The following PGCKA1 variants were observed in gnomAD, a reference collection of about 807,000 sequenced individuals.
PGCKA1 encodes PDCD10 and GCKIII kinases-associated protein 1.
At chr4:37,474,759 C>T in the PGCKA1 span, among the ~76,000 whole-genome samples, 1 of 152,126 alleles carries the variant, frequency 6.6e-6, no homozygotes, top group African/African-American at 2.4e-5. Flanking sequence ...AGAGATGGTA[C>T]TTAGCGAAGG....
the PGCKA1 span, among the ~76,000 whole-genome samples, chr4:37,561,609 T>G: frequency 6.6e-6 from 1 of 151,174 alleles, no homozygotes; most frequent in African/African-American, 2.5e-5. Context: ...AGAAAAGACT[T>G]CATCTATTAT....
the PGCKA1 span, among the ~76,000 whole-genome samples, chr4:37,576,353 ATTTT>A: frequency 6.6e-6 from 1 of 151,804 alleles, no homozygotes; most frequent in African/African-American, 2.4e-5. Flanking sequence ...TAGAAATGTG[ATTTT>A]TTTCTTGATT....
the PGCKA1 span, among the ~76,000 whole-genome samples, chr4:37,562,405 T>C: frequency 6.6e-6 from 1 of 152,204 alleles, no homozygotes; most frequent in East Asian, 1.9e-4. Context: ...CTCTGAAAAG[T>C]TTTAGGCAGG....
the PGCKA1 span, among the ~76,000 whole-genome samples, chr4:37,576,133 A>T: frequency 6.6e-6 from 1 of 151,984 alleles, no homozygotes; most frequent in African/African-American, 2.4e-5. Context: ...TCTGTGAAGA[A>T]ATGTTGATAG....
the PGCKA1 span, among the ~76,000 whole-genome samples, chr4:37,564,969 TACACACACACACACAG>T: frequency 6.6e-6 from 1 of 150,394 alleles, no homozygotes; most frequent in Non-Finnish European, 1.5e-5. Context: ...CACACACACG[TACACACACACACACAG>T]ACACACACAC....
chr4:37,523,032 A>G, the PGCKA1 span, among the ~76,000 whole-genome samples: 6 of 151,960 alleles, frequency 3.9e-5, no homozygotes, highest in South Asian at 2.1e-4. Context: ...CTCCATCTCT[A>G]ATTCACCATT....
the PGCKA1 span, among the ~76,000 whole-genome samples, chr4:37,513,076 T>G: frequency 7.9e-6 from 1 of 126,742 alleles, no homozygotes; most frequent in African/African-American, 3.2e-5. Flanking sequence ...GCAAAAAGAG[T>G]GAAATGCCAT....
At chr4:37,572,057 T>TTTTC in the PGCKA1 span, among the ~76,000 whole-genome samples, 24 of 84,584 alleles carry the variant, frequency 2.8e-4, no homozygotes, top group East Asian at 4.8e-3. Context: ...CCTTTTTTTT[T>TTTTC]TTTTTCTTTT....
At chr4:37,472,156 A>T in the PGCKA1 span, among the ~76,000 whole-genome samples, 1 of 152,234 alleles carries the variant, frequency 6.6e-6, no homozygotes, top group Non-Finnish European at 1.5e-5. Context: ...GACTTGCGAC[A>T]GTCATGCAGT....
the PGCKA1 span, among the ~76,000 whole-genome samples, chr4:37,508,993 G>C: frequency 5.8e-4 from 86 of 149,256 alleles, no homozygotes; most frequent in East Asian, 1.0e-3. Flanking sequence ...CAGGGGGTTG[G>C]GGGTAAGGTT....
chr4:37,567,677 A>T, the PGCKA1 span, among the ~76,000 whole-genome samples: 7 of 151,970 alleles, frequency 4.6e-5, no homozygotes, highest in African/African-American at 1.7e-4. Flanking sequence ...TCTCTCTCAC[A>T]CACACACACA....
chr4:37,580,083 T>C, the PGCKA1 span, among the ~76,000 whole-genome samples: 17 of 152,196 alleles, frequency 1.1e-4, no homozygotes, highest in Admixed American at 2.0e-4. Context: ...TTCTTCAGTA[T>C]GTCACTTGTA....
chr4:37,475,634 T>C, the PGCKA1 span, among the ~76,000 whole-genome samples: 1 of 152,168 alleles, frequency 6.6e-6, no homozygotes, highest in South Asian at 2.1e-4. Context: ...CATTTATGAA[T>C]TAGTTATTTA....
the PGCKA1 span, among the ~76,000 whole-genome samples, chr4:37,496,948 T>A: frequency 2.0e-5 from 3 of 152,074 alleles, no homozygotes; most frequent in African/African-American, 7.2e-5. Flanking sequence ...ATTTTATTTT[T>A]CCATAAGTTA....
At chr4:37,571,355 C>CTTTTTTTCCTTTTT in the PGCKA1 span, among the ~76,000 whole-genome samples, 1 of 78,036 alleles carries the variant, frequency 1.3e-5, no homozygotes, top group African/African-American at 5.8e-5. Flanking sequence ...GACTATTATC[C>CTTTTTTTCCTTTTT]TTTTTTTTTT....
chr4:37,478,671 G>C, the PGCKA1 span, among the ~76,000 whole-genome samples: 1 of 152,152 alleles, frequency 6.6e-6, no homozygotes, highest in Non-Finnish European at 1.5e-5. Flanking sequence ...TTTTGGTCAA[G>C]GAAATTAAAT....
the PGCKA1 span, among the ~76,000 whole-genome samples, chr4:37,522,262 T>C: frequency 2.0e-5 from 3 of 152,250 alleles, no homozygotes; most frequent in South Asian, 6.2e-4. Context: ...TGTTCTATTG[T>C]ACTGTGGCTG....
At chr4:37,521,457 G>A in the PGCKA1 span, among the ~76,000 whole-genome samples, 1 of 152,106 alleles carries the variant, frequency 6.6e-6, no homozygotes, top group African/African-American at 2.4e-5. Context: ...AGTCATTCAG[G>A]AGCATATTGT....
chr4:37,474,340 C>T, the PGCKA1 span, among the ~76,000 whole-genome samples: 2 of 152,150 alleles, frequency 1.3e-5, no homozygotes, highest in African/African-American at 4.8e-5. Context: ...TGACCTCGAA[C>T]TTCCCAACCC....
Sources: gnomAD v4.1 joint callset for allele counts (sites outside exome capture counted in the v4.1 genomes callset) on GRCh38, gnomAD v4.1.1 for gene constraint, MANE v1.5 for transcripts, NCBI Gene and HGNC (gene_info 2026-07-23, HGNC 2026-07-21) for gene names.